The following FUCA2 variants were observed in gnomAD, a reference collection of about 807,000 sequenced individuals.
The protein encoded by FUCA2 is alpha-L-fucosidase 2, also known as plasma alpha-L-fucosidase.
FUCA2 carries 41 observed loss-of-function variants against 52.6 expected under a neutral mutation model. The ratio of observed to expected loss-of-function variants is 0.78; its 90% CI spans 0.61 to 1.01. The LOEUF (loss-of-function observed/expected upper bound fraction) is 1.01. Among genes scored for constraint, FUCA2 ranks in the 50% least tolerant of loss-of-function variants. The pLI is 0.00. For missense variants in FUCA2, 507 were observed against 569.5 expected (o/e 0.89, Z 1.12); for synonymous variants, 211 against 217.3 (o/e 0.97, Z 0.26).
In FUCA2 at chr6:143,501,425, G is replaced by A. The variant is rs766801752; in HGVS notation, c.1154+507C>T. Among the ~76,000 whole-genome samples, 2 of 152,012 alleles carry A rather than the reference G, an allele frequency of 1.3e-5. No individual in the cohort carries two copies. Among genetic ancestry groups the A allele is most frequent in the Non-Finnish European group, 2.9e-5 (2 of 68,012 alleles). ...CTGTCATATTTGTGGAGTCTGATTC[G>A]GGTACTCATTGACACACAGAACCTC... On this transcript the variant is annotated intron_variant, in intron 5 of 6. Coordinates refer to ENST00000002165, the MANE Select transcript of FUCA2 (RefSeq NM_032020.5). This position sits in a 1 kb window ranked among gnomAD's most constrained non-coding sequence, Gnocchi z 6.1.
In FUCA2 at chr6:143,507,303, G is replaced by C. The variant is rs775353690; in HGVS notation, c.346C>G (p.Gln116Glu). The change falls in exon 2 of 7, where the codon CAG becomes GAG. Residue 116 changes from glutamine (Q) to glutamate (E), a missense_variant. Transcript: ENST00000002165. The surrounding 1 kb of genome is among the most constrained non-coding windows in gnomAD (Gnocchi z 4.5). The part of the protein sequence containing the change: ...LFTAKFFNAN[Q>E]WADIFQASGA... Reference sequence around the variant, plus strand: ...GAGGCCTGAAAAATATCTGCCCACTGGTTGGCATTAAAAAATTTTGCTGTA... The same window carrying C: ...GAGGCCTGAAAAATATCTGCCCACTCGTTGGCATTAAAAAATTTTGCTGTA... 2.5e-6 allele frequency: 4 copies of C among 1,606,906 alleles called. No individual in the cohort carries two copies. The highest frequency in any genetic ancestry group is 3.4e-6 in the Non-Finnish European group (4 of 1,177,606).
In FUCA2 at chr6:143,501,911, T is replaced by G. The variant is rs921621579; in HGVS notation, c.1154+21A>C. Reference sequence around the variant, plus strand: ...AATCTCTTCCTTTATAAAAGAGTACTTGGTAACAAGAATGACTTACCACAC... The same window carrying G: ...AATCTCTTCCTTTATAAAAGAGTACGTGGTAACAAGAATGACTTACCACAC... On this transcript the variant is annotated intron_variant, in intron 5 of 6. Transcript: ENST00000002165. This position sits in a 1 kb window ranked among gnomAD's most constrained non-coding sequence, Gnocchi z 6.1. The G allele has an allele frequency of 6.3e-7, 1 of 1,590,426 alleles. No homozygotes were observed. The highest frequency in any genetic ancestry group is 1.3e-5 in the African/African-American group (1 of 74,238).
At position 143,507,385 on chromosome 6, in the gene FUCA2, T is replaced by C; in HGVS notation, c.264A>G (p.Glu88=). 6.2e-7 allele frequency: 1 copy of C among 1,603,698 alleles called. No individual in the cohort carries two copies. The highest frequency in any genetic ancestry group is 8.5e-7 in the Non-Finnish European group (1 of 1,177,674). The change falls in exon 2 of 7, where the codon GAA becomes GAG. Residue 88 remains glutamate, a synonymous_variant. Coordinates refer to ENST00000002165, the MANE Select transcript of FUCA2 (RefSeq NM_032020.5). The surrounding 1 kb of genome is among the most constrained non-coding windows in gnomAD (Gnocchi z 4.5). The part of the protein sequence containing the change: ...WQKEKIPKYV[E]FMKDNYPPSF... The stretch of plus-strand genomic sequence containing the variant: ...TAGGAGGGTAATTATCTTTCATAAA[T>C]TCCACATACTTCGGTATCTTTTCCT...
intron 2 of FUCA2, chr6:143,505,196 T>G (rs1780585541): frequency 1.3e-5 from 2 of 152,126 alleles, no homozygotes; most frequent in Non-Finnish European, 2.9e-5. Flanking sequence ...ATTGTTACTA[T>G]TCCACTAAAA....
chr6:143,497,539 A>G lies in FUCA2; in HGVS notation c.1155-42T>C. On this transcript the variant is annotated intron_variant, in intron 5 of 6. Transcript: ENST00000002165. The surrounding 1 kb of genome is among the most constrained non-coding windows in gnomAD (Gnocchi z 5.3). ...AATAAAGAGCATAGTAGCAAGTTAC[A>G]TCCCATGTTTCTCACTATTTATGGA... 1 of 1,062,274 alleles carries G rather than the reference A, an allele frequency of 9.4e-7. No homozygotes were observed. The highest frequency in any genetic ancestry group is 1.4e-6 in the Non-Finnish European group (1 of 694,162). The allele number at this position is 1,062,274 out of a possible 1,614,324, so 65.8% of individuals were successfully genotyped here.
rs951302605 is a variant in FUCA2, at chr6:143,509,862, G to A, written c.224+1549C>T. Among the ~76,000 whole-genome samples the A allele has an allele frequency of 2.0e-5, 3 of 152,140 alleles. No homozygotes were observed. The highest frequency in any genetic ancestry group is 7.2e-5 in the African/African-American group (3 of 41,418). ...CAATAAGAAAGGTTACTGGTTGCAG[G>A]TAGTCAATTTCTTTGTCATGAAAGG... On this transcript the variant is annotated intron_variant, in intron 1 of 6. Transcript: ENST00000002165. This position sits in a 1 kb window ranked among gnomAD's most constrained non-coding sequence, Gnocchi z 5.4.
In FUCA2 at chr6:143,511,482, G is replaced by T. The variant is rs750722783; in HGVS notation, c.153C>A (p.Asp51Glu). ...LDARQLPAWF[D>E]QAKFGIFIHW... ...GGATGAAGATGCCGAACTTGGCCTG[G>T]TCAAACCACGCGGGCAGCTGGCGGG... The change falls in exon 1 of 7, where the codon GAC becomes GAA. Residue 51 changes from aspartate (D) to glutamate (E), a missense_variant. Physicochemically the swap from Asp to Glu is conservative, Grantham distance 45. Transcript: ENST00000002165. This position sits in a 1 kb window ranked among gnomAD's most constrained non-coding sequence, Gnocchi z 6.3. 16 of 1,607,216 alleles carry T rather than the reference G, an allele frequency of 1.0e-5. No homozygotes were observed. Among genetic ancestry groups the T allele is most frequent in the Non-Finnish European group, 1.3e-5 (15 of 1,176,960 alleles).
chr6:143,498,226 T>C lies in FUCA2; in HGVS notation c.1155-729A>G, dbSNP rs186158759. Among the ~76,000 whole-genome samples the C allele has an allele frequency of 9.5e-4, 145 of 152,290 alleles. 1 individual carries two copies. Among genetic ancestry groups the C allele is most frequent in the Middle Eastern group, 3.4e-3 (1 of 294 alleles). On this transcript the variant is annotated intron_variant, in intron 5 of 6. Transcript: ENST00000002165. The stretch of plus-strand genomic sequence containing the variant: ...CATTCAATTACTCAAGAAATACTTA[T>C]TGAAATCTTAAAATGCTAGACACTG...
In FUCA2 at chr6:143,511,342, T is replaced by TG; in HGVS notation, c.224+68dup. The stretch of plus-strand genomic sequence containing the variant: ...GCACCAGGCGGCGAACCAGGCCCGC[T>TG]GGGTGGTGGCTGGAGGCTGCGGGTG... On this transcript the variant is annotated intron_variant, in intron 1 of 6. Transcript: ENST00000002165. The surrounding 1 kb of genome is among the most constrained non-coding windows in gnomAD (Gnocchi z 6.3). 7.0e-7 allele frequency: 1 copy of TG among 1,432,042 alleles called. No homozygotes were observed. Among genetic ancestry groups the TG allele is most frequent in the Non-Finnish European group, 9.5e-7 (1 of 1,056,408 alleles). The allele number at this position is 1,432,042 out of a possible 1,614,324, so 88.7% of individuals were successfully genotyped here. A position where few individuals can be genotyped will look rare whatever the true frequency, so the allele number is the denominator to read the frequency against.
rs1780686872 is a variant in FUCA2 at position 143,511,648 on chromosome 6, C to T, written c.-14G>A. 1.3e-6 allele frequency: 2 copies of T among 1,494,628 alleles called. No homozygotes were observed. The highest frequency in any genetic ancestry group is 1.4e-5 in the African/African-American group (1 of 71,218). 92.6% of individuals were successfully genotyped at this position (1,494,628 alleles called of 1,614,324 possible). A position where few individuals can be genotyped will look rare whatever the true frequency, so the allele number is the denominator to read the frequency against. On this transcript the variant is annotated 5_prime_UTR_variant, in exon 1 of 7. Coordinates refer to ENST00000002165, the MANE Select transcript of FUCA2 (RefSeq NM_032020.5). The surrounding 1 kb of genome is among the most constrained non-coding windows in gnomAD (Gnocchi z 6.3). ...CTGGGGCCGCATGTCCCGGCGCAGG[C>T]CGGCTGTCCTCTCTGCAGGCTCCCG...
chr6:143,511,689 T>G lies in FUCA2; in HGVS notation c.-55A>C. ...CAGGCTCCCGCGGCCTCGGGAGCGCTGTTCTTCCGTCTCTGCCGCTGAGTA... is the reference window on the plus strand; with the variant it reads ...CAGGCTCCCGCGGCCTCGGGAGCGCGGTTCTTCCGTCTCTGCCGCTGAGTA... On this transcript the variant is annotated 5_prime_UTR_variant, in exon 1 of 7. Coordinates refer to ENST00000002165, the MANE Select transcript of FUCA2 (RefSeq NM_032020.5). This position sits in a 1 kb window ranked among gnomAD's most constrained non-coding sequence, Gnocchi z 6.3. 1 of 1,399,678 alleles carries G rather than the reference T, an allele frequency of 7.1e-7. No homozygotes were observed. The highest frequency in any genetic ancestry group is 9.4e-7 in the Non-Finnish European group (1 of 1,068,880). 86.7% of individuals were successfully genotyped at this position (1,399,678 alleles called of 1,614,324 possible). A position where few individuals can be genotyped will look rare whatever the true frequency, so the allele number is the denominator to read the frequency against.
In FUCA2 at chr6:143,511,671, C is replaced by T. The variant is rs1780687476; in HGVS notation, c.-37G>A. 1 of 1,433,636 alleles carries T rather than the reference C, an allele frequency of 7.0e-7. No homozygotes were observed. Among genetic ancestry groups the T allele is most frequent in the Non-Finnish European group, 9.1e-7 (1 of 1,094,284 alleles). The allele number at this position is 1,433,636 out of a possible 1,614,324, so 88.8% of individuals were successfully genotyped here. ...GGCCGGCTGTCCTCTCTGCAGGCTC[C>T]CGCGGCCTCGGGAGCGCTGTTCTTC... On this transcript the variant is annotated 5_prime_UTR_variant, in exon 1 of 7. Transcript: ENST00000002165. This position sits in a 1 kb window ranked among gnomAD's most constrained non-coding sequence, Gnocchi z 6.3.
At chr6:143,498,462 G>A (rs956777290) in intron 5 of FUCA2, among the ~76,000 whole-genome samples, 1 of 152,190 alleles carries the variant, frequency 6.6e-6, no homozygotes. Flanking sequence ...CTTCTTAGAG[G>A]TGGCATGGAA....
Position 143,508,036 on chromosome 6 carries a change from G to A in FUCA2, c.225-612C>T, listed in dbSNP as rs116948792. Among the ~76,000 whole-genome samples the A allele has an allele frequency of 1.7e-4, 26 of 152,176 alleles. No homozygotes were observed. In the East Asian group the frequency reaches 5.0e-3, roughly 29 times the overall value. ...TATATGTCTTTACACATTGTCCCTT[G>A]TAACATAAGTGATTAGGGCTTCTAA... On this transcript the variant is annotated intron_variant, in intron 1 of 6. Coordinates refer to ENST00000002165, the MANE Select transcript of FUCA2 (RefSeq NM_032020.5).
At position 143,503,292 on chromosome 6, in the gene FUCA2, C is replaced by T. The variant is rs1384225078; in HGVS notation, c.752+621G>A. 3 of 152,516 alleles carry T rather than the reference C, an allele frequency of 2.0e-5. No individual in the cohort carries two copies. Among genetic ancestry groups the T allele is most frequent in the Non-Finnish European group, 4.4e-5 (3 of 68,312 alleles). The allele number at this position is 152,516 out of a possible 1,614,324, so 9.4% of individuals were successfully genotyped here. A position where few individuals can be genotyped will look rare whatever the true frequency, so the allele number is the denominator to read the frequency against. ...GAAGTGCAAGCAGAAGGTTGCCTGA[C>T]TTCGTAGCACAATACCCAGTGCTTT... On this transcript the variant is annotated intron_variant, in intron 3 of 6. Transcript: ENST00000002165. The surrounding 1 kb of genome is among the most constrained non-coding windows in gnomAD (Gnocchi z 4.8).
Position 143,495,653 on chromosome 6 carries a change from C to A in FUCA2, c.*54G>T, listed in dbSNP as rs1584023842. The A allele has an allele frequency of 1.3e-6, 2 of 1,548,030 alleles. No homozygotes were observed. The highest frequency in any genetic ancestry group is 3.5e-5 in the Admixed American group (2 of 56,492). ...CTCCATGTGCTACAATTATAGACACCTGATAGTTCCTAGCCTTAGACATAA... is the reference window on the plus strand; with the variant it reads ...CTCCATGTGCTACAATTATAGACACATGATAGTTCCTAGCCTTAGACATAA... On this transcript the variant is annotated 3_prime_UTR_variant, in exon 7 of 7. Coordinates refer to ENST00000002165, the MANE Select transcript of FUCA2 (RefSeq NM_032020.5). The surrounding 1 kb of genome is among the most constrained non-coding windows in gnomAD (Gnocchi z 5.2).
chr6:143,506,705 TAC>T (rs1320019692), intron 2 of FUCA2: 1 of 152,362 alleles, frequency 6.6e-6, no homozygotes, highest in Non-Finnish European at 1.5e-5. Context: ...TGGAAACCAT[TAC>T]AGTTCCACAA....
In FUCA2 at chr6:143,501,860, C is replaced by T; in HGVS notation, c.1154+72G>A. 1 of 1,361,602 alleles carries T rather than the reference C, an allele frequency of 7.3e-7. No homozygotes were observed. Among genetic ancestry groups the T allele is most frequent in the Non-Finnish European group, 1.0e-6 (1 of 990,816 alleles). The allele number at this position is 1,361,602 out of a possible 1,614,324, so 84.3% of individuals were successfully genotyped here. A position where few individuals can be genotyped will look rare whatever the true frequency, so the allele number is the denominator to read the frequency against. On this transcript the variant is annotated intron_variant, in intron 5 of 6. Coordinates refer to ENST00000002165, the MANE Select transcript of FUCA2 (RefSeq NM_032020.5). This position sits in a 1 kb window ranked among gnomAD's most constrained non-coding sequence, Gnocchi z 6.1. ...ATCCAATTTCTCTTTTTATCCTACT[C>T]TTCTTTATATGTCTGATAAATTTTA... is the stretch of plus-strand genomic sequence containing the variant.
At position 143,499,217 on chromosome 6, in the gene FUCA2, TC is replaced by T. The variant is rs775689248; in HGVS notation, c.1155-1721del. ...TGCACTGGAAATAGAAATGTGGAGA[TC>T]ATCAATATGGCATTTAAAGCCATGA... is the stretch of plus-strand genomic sequence containing the variant. On this transcript the variant is annotated intron_variant, in intron 5 of 6. Coordinates refer to ENST00000002165, the MANE Select transcript of FUCA2 (RefSeq NM_032020.5). The surrounding 1 kb of genome is among the most constrained non-coding windows in gnomAD (Gnocchi z 6.0). 6.6e-6 allele frequency among the ~76,000 whole-genome samples: 1 copy of T among 152,128 alleles called. No individual in the cohort carries two copies. Among genetic ancestry groups the T allele is most frequent in the Non-Finnish European group, 1.5e-5 (1 of 68,022 alleles).
Sources: gnomAD v4.1 joint callset for allele counts (sites outside exome capture counted in the v4.1 genomes callset) on GRCh38, gnomAD v4.1.1 for gene constraint, Gnocchi (gnomAD v3.1) non-coding constraint, MANE v1.5 for transcripts, NCBI Gene and HGNC (gene_info 2026-07-23, HGNC 2026-07-21) for gene names.